CDC42EP4: variants seen among roughly 807,000 people sequenced by gnomAD.
The protein encoded by CDC42EP4 is CDC42 effector protein 4.
In CDC42EP4, 6 loss-of-function variants were observed where a neutral mutation model predicts 5.6. The observed-to-expected ratio is 1.07, with a 90% CI of 0.59 to 2.12. CDC42EP4 has a LOEUF of 2.12. Among genes scored for constraint, CDC42EP4 ranks in the 30% most tolerant of loss-of-function variants. The pLI, the probability that CDC42EP4 is intolerant of heterozygous loss-of-function variation, is 0.00. For missense variants in CDC42EP4, 490 were observed against 508.6 expected, an observed-to-expected ratio of 0.96 and a Z score of 0.35; for synonymous variants, 230 against 224.2, an observed-to-expected ratio of 1.03 and a Z score of -0.23.
chr17:73,286,423 C>G lies in CDC42EP4; in HGVS notation c.78G>C (p.Met26Ile), dbSNP rs766481805. The change falls in exon 2 of 2, where the codon ATG (methionine) becomes ATC (isoleucine). Residue 26 changes from methionine to isoleucine, a missense_variant. Transcript: ENST00000335793. This position sits in a 1 kb window ranked among gnomAD's most constrained non-coding sequence, Gnocchi z 7.7. ...RRSRADLTAEMISAPLGDFRH... is the reference protein window; with the variant it reads ...RRSRADLTAEIISAPLGDFRH... Reference sequence around the variant, plus strand: ...GGAAGTCGCCCAGCGGGGCGCTGATCATCTCGGCCGTGAGGTCCGCTCGGG... The same window carrying G: ...GGAAGTCGCCCAGCGGGGCGCTGATGATCTCGGCCGTGAGGTCCGCTCGGG... The G allele has an allele frequency of 2.5e-6, 4 of 1,613,570 alleles. No homozygotes were observed. Among genetic ancestry groups the G allele is most frequent in the Non-Finnish European group, 3.4e-6 (4 of 1,179,754 alleles).
chr17:73,311,297 T>A (rs1471654529), intron 1 of CDC42EP4: 1 of 152,368 alleles, frequency 6.6e-6, no homozygotes, highest in African/African-American at 2.4e-5. Flanking sequence ...TCCAGACAGC[T>A]CCTTCCCTCT....
intron 1 of CDC42EP4, among the ~76,000 whole-genome samples, chr17:73,299,710 T>C (rs1190360632): frequency 6.6e-6 from 1 of 152,174 alleles, no homozygotes; most frequent in African/African-American, 2.4e-5. Flanking sequence ...TGCAGGTGTC[T>C]GCAGCTGAGG....
rs917456443 is a variant in CDC42EP4, at chr17:73,283,819, C to T, written c.*1611G>A. The T allele has an allele frequency of 4.6e-5, 7 of 152,286 alleles. No individual in the cohort carries two copies. Among genetic ancestry groups the T allele is most frequent in the Non-Finnish European group, 1.0e-4 (7 of 68,106 alleles). The allele number at this position is 152,286 out of a possible 1,614,324, so 9.4% of individuals were successfully genotyped here. A position where few individuals can be genotyped will look rare whatever the true frequency, so the allele number is the denominator to read the frequency against. On this transcript the variant is annotated 3_prime_UTR_variant, in exon 2 of 2. Transcript: ENST00000335793. ...CACCAACAGGGCACCGAACCTGGAACTAAGTTAGTGTCTAGAGTCAGGCAA... is the reference window on the plus strand; with the variant it reads ...CACCAACAGGGCACCGAACCTGGAATTAAGTTAGTGTCTAGAGTCAGGCAA...
At chr17:73,303,041 C>T (rs1238401084) in intron 1 of CDC42EP4, among the ~76,000 whole-genome samples, 1 of 59,610 alleles carries the variant, frequency 1.7e-5, no homozygotes, top group Non-Finnish European at 3.0e-5. Context: ...CAGACTCCGT[C>T]TCAAAAAAAA....
At chr17:73,298,239 G>A (rs767780874) in intron 1 of CDC42EP4, among the ~76,000 whole-genome samples, 93 of 152,082 alleles carry the variant, frequency 6.1e-4, no homozygotes, top group Non-Finnish European at 1.0e-3. Context: ...CGTTTATTAG[G>A]TCCTTGTTTT....
chr17:73,285,354 G>T lies in CDC42EP4; in HGVS notation c.*76C>A. The T allele has an allele frequency of 8.2e-7, 1 of 1,221,016 alleles. No homozygotes were observed. Among genetic ancestry groups the T allele is most frequent in the Non-Finnish European group, 1.1e-6 (1 of 869,806 alleles). The allele number at this position is 1,221,016 out of a possible 1,614,324, so 75.6% of individuals were successfully genotyped here. On this transcript the variant is annotated 3_prime_UTR_variant, in exon 2 of 2. Coordinates refer to ENST00000335793, the MANE Select transcript of CDC42EP4 (RefSeq NM_012121.5). The surrounding 1 kb of genome is among the most constrained non-coding windows in gnomAD (Gnocchi z 6.8). ...GGGTCCTGGCTGCCCCTGCGCCGTA[G>T]GGTCAAAGGTCATAGTGGGGTGGGG...
intron 1 of CDC42EP4, among the ~76,000 whole-genome samples, chr17:73,297,001 A>AAAAAAAAAAAGAAAAAC (rs547362762): frequency 1.6e-5 from 1 of 61,734 alleles, no homozygotes; most frequent in Non-Finnish European, 3.3e-5. Flanking sequence ...AAAAAAAAAA[A>AAAAAAAAAAAGAAAAAC]AAATACACAA....
intron 1 of CDC42EP4, among the ~76,000 whole-genome samples, chr17:73,300,845 G>A (rs546403195): frequency 3.9e-5 from 6 of 152,084 alleles, no homozygotes; most frequent in Admixed American, 3.3e-4. Flanking sequence ...TCAGGTGTTC[G>A]AAACCAGACC....
intron 1 of CDC42EP4, among the ~76,000 whole-genome samples, chr17:73,294,599 T>C (rs2062175828): frequency 6.6e-6 from 1 of 152,090 alleles, no homozygotes; most frequent in South Asian, 2.1e-4. Flanking sequence ...CTATCAAAAG[T>C]AGGGGGCATC....
At position 73,286,580 on chromosome 17, in the gene CDC42EP4, G is replaced by C; in HGVS notation, c.-80C>G. The C allele has an allele frequency of 4.9e-6, 5 of 1,012,530 alleles. No homozygotes were observed. The highest frequency in any genetic ancestry group is 7.1e-6 in the Non-Finnish European group (5 of 701,964). 62.7% of individuals were successfully genotyped at this position (1,012,530 alleles called of 1,614,324 possible). ...TCAGATCTGAAGTCCAAGTCCAGTGGGCAGAGGGGGACGCAATGAGGAGAT... is the reference window on the plus strand; with the variant it reads ...TCAGATCTGAAGTCCAAGTCCAGTGCGCAGAGGGGGACGCAATGAGGAGAT... On this transcript the variant is annotated 5_prime_UTR_variant, in exon 2 of 2. Transcript: ENST00000335793. The surrounding 1 kb of genome is among the most constrained non-coding windows in gnomAD (Gnocchi z 7.7).
rs201845163 is a variant in CDC42EP4 at position 73,286,251 on chromosome 17, G to A, written c.250C>T (p.Arg84Trp). The A allele has an allele frequency of 3.3e-5, 53 of 1,614,214 alleles. No individual in the cohort carries two copies. Among genetic ancestry groups the A allele is most frequent in the Non-Finnish European group, 3.1e-5 (37 of 1,180,050 alleles). Residue 84 changes from arginine to tryptophan, a missense_variant, in exon 2 of 2, where the codon CGG becomes TGG. By Grantham distance (101) the Arg-to-Trp change is moderately radical. Transcript: ENST00000335793. The surrounding 1 kb of genome is among the most constrained non-coding windows in gnomAD (Gnocchi z 7.7). ...ACCGACTGTGACCGCTTGCTGCCCCGGAACTTCCTGGACAGGAGACTGCGT... is the reference window on the plus strand; with the variant it reads ...ACCGACTGTGACCGCTTGCTGCCCCAGAACTTCCTGGACAGGAGACTGCGT... ...SKRSLLSRKF[R>W]GSKRSQSVTR... is the part of the protein sequence containing the mutation.
At position 73,285,526 on chromosome 17, in the gene CDC42EP4, G is replaced by C. The variant is rs770618812; in HGVS notation, c.975C>G (p.Phe325Leu). ...SGILEERSPA[F>L]RGPDRARAAV... ...CAGCCCGGGCCCTGTCCGGCCCCCG[G>C]AAGGCAGGGCTGCGCTCCTCCAGGA... Residue 325 changes from phenylalanine (F) to leucine (L), a missense_variant, in exon 2 of 2, where the codon TTC becomes TTG. Physicochemically the swap from Phe to Leu is conservative, Grantham distance 22 (BLOSUM62 0). Coordinates refer to ENST00000335793, the MANE Select transcript of CDC42EP4 (RefSeq NM_012121.5). This position sits in a 1 kb window ranked among gnomAD's most constrained non-coding sequence, Gnocchi z 6.8. 13 of 1,610,586 alleles carry C rather than the reference G, an allele frequency of 8.1e-6. No individual in the cohort carries two copies. Among genetic ancestry groups the C allele is most frequent in the Middle Eastern group, 1.6e-4 (1 of 6,066 alleles).
At position 73,295,298 on chromosome 17, in the gene CDC42EP4, G is replaced by A. The variant is rs370485951; in HGVS notation, c.-112-8686C>T. On this transcript the variant is annotated intron_variant, in intron 1 of 1. Transcript: ENST00000335793. ...CACAGAACTCACAAGGGAGCCGGGC[G>A]GTGCTGGAGCCCAAGTCTCTTGACT... Among the ~76,000 whole-genome samples, 134 of 152,248 alleles carry A rather than the reference G, an allele frequency of 8.8e-4. 1 individual carries two copies. The highest frequency in any genetic ancestry group is 3.4e-3 in the Middle Eastern group (1 of 294).
intron 1 of CDC42EP4, among the ~76,000 whole-genome samples, chr17:73,299,703 A>C (rs1599438147): frequency 6.6e-6 from 1 of 152,124 alleles, no homozygotes; most frequent in Non-Finnish European, 1.5e-5. Context: ...TGACCTGTGC[A>C]GGTGTCTGCA....
rs2062129621 is a variant in CDC42EP4, at chr17:73,285,822, T to C, written c.679A>G (p.Lys227Glu). The stretch of plus-strand genomic sequence containing the variant: ...CCCTCCTCGGGGTCCCACTCCTCCT[T>C]GTCCATGATGCTGAGGACGTCACCC... ...MLGDVLSIMD[K>E]EEWDPEEGEG... Residue 227 changes from lysine to glutamate, a missense_variant, in exon 2 of 2, where the codon AAG becomes GAG. Lys to Glu is a moderately conservative substitution (Grantham distance 56, BLOSUM62 1). Coordinates refer to ENST00000335793, the MANE Select transcript of CDC42EP4 (RefSeq NM_012121.5). This position sits in a 1 kb window ranked among gnomAD's most constrained non-coding sequence, Gnocchi z 6.8. 6.2e-7 allele frequency: 1 copy of C among 1,611,998 alleles called. No individual in the cohort carries two copies. The highest frequency in any genetic ancestry group is 8.5e-7 in the Non-Finnish European group (1 of 1,178,294).
intron 1 of CDC42EP4, among the ~76,000 whole-genome samples, chr17:73,293,499 T>C (rs934429700): frequency 3.9e-5 from 6 of 152,164 alleles, no homozygotes; most frequent in Non-Finnish European, 7.4e-5. Flanking sequence ...TGGCCATCCT[T>C]TCCCAGGTTT....
chr17:73,288,772 GC>G (rs1299104622), intron 1 of CDC42EP4, among the ~76,000 whole-genome samples: 2 of 152,024 alleles, frequency 1.3e-5, no homozygotes, highest in African/African-American at 4.8e-5. Context: ...GTTCTCTCAA[GC>G]CTCTGCTGCC....
At chr17:73,299,031 C>A (rs1356774971) in intron 1 of CDC42EP4, among the ~76,000 whole-genome samples, 2 of 151,896 alleles carry the variant, frequency 1.3e-5, no homozygotes, top group Non-Finnish European at 2.9e-5. Context: ...TCATGGCTCA[C>A]TGCAGCCTCA....
At chr17:73,307,540 C>T (rs1416083393) in intron 1 of CDC42EP4, among the ~76,000 whole-genome samples, 18 of 151,386 alleles carry the variant, frequency 1.2e-4, no homozygotes, top group South Asian at 4.2e-4. Flanking sequence ...CTCCGCCTCC[C>T]GGGTTCACAC....
Sources: gnomAD v4.1 joint callset for allele counts (sites outside exome capture counted in the v4.1 genomes callset) on GRCh38, gnomAD v4.1.1 for gene constraint, Gnocchi (gnomAD v3.1) non-coding constraint, MANE v1.5 for transcripts, NCBI Gene and HGNC (gene_info 2026-07-23, HGNC 2026-07-21) for gene names.